ADGRG7: variants seen among roughly 807,000 people sequenced by gnomAD.
ADGRG7 encodes G-protein coupled receptor 128.
Under a neutral mutation model 88.6 loss-of-function variants are expected in ADGRG7, and 82 were observed. The observed-to-expected ratio is 0.93, with a 90% CI of 0.77 to 1.11. The LOEUF (loss-of-function observed/expected upper bound fraction) is 1.11. ADGRG7 is among the 50% of genes most tolerant of loss of function. The pLI is 0.00. For synonymous variants in ADGRG7, 381 were observed against 345.2 expected (o/e 1.10, Z -1.15); for missense variants, 945 against 953.4 (o/e 0.99, Z 0.12).
chr3:100,644,242 C>CA (rs917734370), intron 8 of ADGRG7, among the ~76,000 whole-genome samples: 3 of 151,120 alleles, frequency 2.0e-5, no homozygotes, highest in African/African-American at 7.3e-5. Context: ...TCTCCCCAAG[C>CA]AAAAAAACCC....
Position 100,682,700 on chromosome 3 carries a change from C to A in ADGRG7, c.2137-12044C>A, listed in dbSNP as rs548790340. Among the ~76,000 whole-genome samples the A allele has an allele frequency of 2.5e-3, 375 of 152,248 alleles. 3 individuals carry two copies. The highest frequency in any genetic ancestry group is 8.6e-3 in the African/African-American group (356 of 41,550). ...GTCACCCCTGCTCCGGAGGCTGGCC[C>A]GGGCCCAGCGAGGACCTGAAGCTCC... On this transcript the variant is annotated intron_variant, in intron 15 of 15. Transcript: ENST00000273352.
chr3:100,646,973 C>A lies in ADGRG7; in HGVS notation c.1266+249C>A, dbSNP rs538700613. 2.6e-5 allele frequency among the ~76,000 whole-genome samples: 4 copies of A among 152,296 alleles called. No homozygotes were observed. The East Asian group carries it at 7.7e-4, about 29-fold the overall frequency. The stretch of plus-strand genomic sequence containing the variant: ...AGGAGTTCGAGACCAGCCTGACCAA[C>A]ATGGTGAAACCCCGTCTCTACTAAA... On this transcript the variant is annotated intron_variant, in intron 10 of 15. Coordinates refer to ENST00000273352, the MANE Select transcript of ADGRG7 (RefSeq NM_032787.3).
intron 2 of ADGRG7, 130 bp downstream of exon 2, chr3:100,629,841 G>A (rs1328588541): frequency 1.6e-6 from 1 of 626,318 alleles, no homozygotes; most frequent in African/African-American, 1.9e-5. Context: ...GATGGCTTTA[G>A]GATGTGTTTA....
At chr3:100,658,497 A>G (rs2094940548) in intron 13 of ADGRG7, among the ~76,000 whole-genome samples, 4 of 152,156 alleles carry the variant, frequency 2.6e-5, no homozygotes, top group Non-Finnish European at 2.9e-5. Context: ...CTCCTACATA[A>G]TTTGTATCTT....
chr3:100,629,782 G>A (rs1427372931), intron 2 of ADGRG7, 71 bp downstream of exon 2: 4 of 943,332 alleles, frequency 4.2e-6, no homozygotes, highest in African/African-American at 1.6e-5. Context: ...TAGCAATAAA[G>A]CTTCTAGAAG....
chr3:100,681,221 C>CT (rs1350728073), intron 15 of ADGRG7, among the ~76,000 whole-genome samples: 2 of 148,984 alleles, frequency 1.3e-5, no homozygotes, highest in African/African-American at 4.9e-5. Flanking sequence ...TTTTTTTAAC[C>CT]TTTTTAGTTA....
chr3:100,689,821 T>G (rs970670897), intron 15 of ADGRG7, among the ~76,000 whole-genome samples: 3 of 152,190 alleles, frequency 2.0e-5, no homozygotes, highest in Admixed American at 1.3e-4. Context: ...TTTCCTTCAT[T>G]TCGACTTTGG....
chr3:100,619,798 G>C (rs1707281640), intron 1 of ADGRG7, among the ~76,000 whole-genome samples: 2 of 152,108 alleles, frequency 1.3e-5, no homozygotes, highest in Admixed American at 1.3e-4. Context: ...AAATAAACTA[G>C]AAAATCTAGA....
chr3:100,641,902 A>C (rs1238393025), intron 6 of ADGRG7, among the ~76,000 whole-genome samples: 1 of 152,038 alleles, frequency 6.6e-6, no homozygotes, highest in Admixed American at 6.6e-5. Flanking sequence ...ATCAAAAAAA[A>C]CCCCGTTTCC....
chr3:100,667,344 C>T (rs1023122459), intron 14 of ADGRG7, among the ~76,000 whole-genome samples: 2 of 152,132 alleles, frequency 1.3e-5, no homozygotes, highest in Non-Finnish European at 2.9e-5. Context: ...CCACCACTGA[C>T]AGGCCCCAGT....
At chr3:100,684,546 G>A (rs2094979030) in intron 15 of ADGRG7, among the ~76,000 whole-genome samples, 1 of 152,096 alleles carries the variant, frequency 6.6e-6, no homozygotes, top group African/African-American at 2.4e-5. Flanking sequence ...GGGATTATAG[G>A]CCTGAGCCAC....
chr3:100,637,595 G>A, intron 6 of ADGRG7, 193 bp downstream of exon 6: 1 of 521,128 alleles, frequency 1.9e-6, no homozygotes, highest in Non-Finnish European at 3.4e-6. Flanking sequence ...GTTACCTCCT[G>A]CATCCAGGGG....
At position 100,646,670 on chromosome 3, in the gene ADGRG7, T is replaced by G. The variant is rs895632531; in HGVS notation, c.1212T>G (p.Thr404=). 1 of 1,614,232 alleles carries G rather than the reference T, an allele frequency of 6.2e-7. No individual in the cohort carries two copies. Among genetic ancestry groups the G allele is most frequent in the Admixed American group, 1.7e-5 (1 of 60,028 alleles). Residue 404 remains threonine (T), a synonymous_variant, in exon 10 of 16, where the codon ACT becomes ACG. Transcript: ENST00000273352. ...DTYGCQKDKG[T]DGFLRCRCNH... is the part of the protein sequence containing the mutation. ...ATGGCTGTCAAAAAGACAAGGGCAC[T>G]GATGGATTCCTGCGCTGCCGCTGCA...
intron 1 of ADGRG7, among the ~76,000 whole-genome samples, chr3:100,625,635 G>A (rs771856998): frequency 5.3e-5 from 8 of 152,076 alleles, no homozygotes; most frequent in Non-Finnish European, 7.4e-5. Flanking sequence ...GCCCATTTTT[G>A]CCCATTCAGT....
At position 100,667,833 on chromosome 3, in the gene ADGRG7, GA is replaced by G. The variant is rs373525295; in HGVS notation, c.1980-1104del. On this transcript the variant is annotated intron_variant, in intron 14 of 15. Coordinates refer to ENST00000273352, the MANE Select transcript of ADGRG7 (RefSeq NM_032787.3). ...TTCAGGTGCTACCAGGGTATGAAAA[GA>G]AAAAAAAAAAAGAGCTCCTGCAGCT... Among the ~76,000 whole-genome samples the G allele has an allele frequency of 9.1e-3, 1,292 of 141,254 alleles. 17 individuals are homozygous for G. The highest frequency in any genetic ancestry group is 0.029 in the African/African-American group (1,112 of 38,838). 92.7% of individuals were successfully genotyped at this position (141,254 alleles called of 152,430 possible).
chr3:100,659,793 T>C lies in ADGRG7; in HGVS notation c.1929T>C (p.Phe643=). 1 of 1,614,078 alleles carries C rather than the reference T, an allele frequency of 6.2e-7. No individual in the cohort carries two copies. Among genetic ancestry groups the C allele is most frequent in the African/African-American group, 1.3e-5 (1 of 75,052 alleles). The change falls in exon 14 of 16, where the codon TTT becomes TTC. Residue 643 remains phenylalanine (F), a synonymous_variant. Coordinates refer to ENST00000273352, the MANE Select transcript of ADGRG7 (RefSeq NM_032787.3). ...TIILISNVVM[F]ITISIKVLWK... ...TCCTCATCAGCAATGTTGTTATGTT[T>C]ATTACAATCTCGATCAAAGTGCTGT...
intron 15 of ADGRG7, among the ~76,000 whole-genome samples, chr3:100,688,632 G>T (rs925254357): frequency 2.0e-5 from 3 of 152,118 alleles, no homozygotes; most frequent in Admixed American, 6.5e-5. Context: ...ATTTCATTAT[G>T]TACCCAGTAT....
chr3:100,680,391 T>G (rs1392657700), intron 15 of ADGRG7, among the ~76,000 whole-genome samples: 1 of 152,196 alleles, frequency 6.6e-6, no homozygotes, highest in African/African-American at 2.4e-5. Flanking sequence ...AATACAAGTC[T>G]TACGTTTTTA....
intron 15 of ADGRG7, among the ~76,000 whole-genome samples, chr3:100,692,283 G>A (rs1249954604): frequency 6.6e-6 from 1 of 152,174 alleles, no homozygotes; most frequent in Non-Finnish European, 1.5e-5. Flanking sequence ...ATGGGTGCCT[G>A]CCACTAAATT....
Sources: gnomAD v4.1 joint callset for allele counts (sites outside exome capture counted in the v4.1 genomes callset) on GRCh38, gnomAD v4.1.1 for gene constraint, MANE v1.5 for transcripts, NCBI Gene and HGNC (gene_info 2026-07-23, HGNC 2026-07-21) for gene names.